The following PXDNL variants were observed in gnomAD, a reference collection of about 807,000 sequenced individuals.
PXDNL encodes the protein peroxidasin like.
PXDNL carries 145 observed loss-of-function variants against 150.8 expected under a neutral mutation model. That is an observed-to-expected ratio of 0.96 (90% CI 0.84 to 1.10). PXDNL has a LOEUF of 1.10. Among genes scored for constraint, PXDNL ranks in the 50% least tolerant of loss-of-function variants. The pLI, the probability that PXDNL is intolerant of heterozygous loss-of-function variation, is 0.00. For synonymous variants in PXDNL, 757 were observed against 725.7 expected (o/e 1.04, Z -0.69); for missense variants, 2,087 against 1,873.9 (o/e 1.11, Z -2.10).
At chr8:51,633,425 G>T (rs377653702) in intron 2 of PXDNL, among the ~76,000 whole-genome samples, 6 of 151,956 alleles carry the variant, frequency 3.9e-5, no homozygotes, top group African/African-American at 1.4e-4. Context: ...CAATGAGATT[G>T]CTGGGTCGAA....
intron 12 of PXDNL, among the ~76,000 whole-genome samples, chr8:51,438,189 T>C (rs543075705): frequency 1.3e-5 from 2 of 152,202 alleles, no homozygotes; most frequent in East Asian, 3.9e-4. Context: ...TTGAAACACA[T>C]CCTGTGCTCA....
intron 1 of PXDNL, among the ~76,000 whole-genome samples, chr8:51,744,979 A>G (rs1287819994): frequency 0.29 from 1,347 of 4,610 alleles, 104 homozygotes; most frequent in South Asian, 0.49. Flanking sequence ...AAAGAAAGAA[A>G]GAAAGAAAGA....
chr8:51,497,688 C>A (rs1811084850), intron 5 of PXDNL, among the ~76,000 whole-genome samples: 1 of 152,222 alleles, frequency 6.6e-6, no homozygotes, highest in Non-Finnish European at 1.5e-5. Flanking sequence ...AAATGCTCAT[C>A]ATCATTGGCC....
rs140884020 is a variant in PXDNL, at chr8:51,412,920, T to G, written c.1904+230A>C. Among the ~76,000 whole-genome samples the G allele has an allele frequency of 3.3e-4, 51 of 152,290 alleles. 1 individual carries two copies. Among genetic ancestry groups the G allele is most frequent in the African/African-American group, 1.1e-3 (47 of 41,558 alleles). On this transcript the variant is annotated intron_variant, in intron 15 of 22. Coordinates refer to ENST00000356297, the MANE Select transcript of PXDNL (RefSeq NM_144651.5). ...GCCTAGTGTCTATTGTCAGCCTGTA[T>G]AGCATGGACCTTTGGCATAAATTAA...
chr8:51,457,920 C>T (rs528878680), intron 8 of PXDNL, among the ~76,000 whole-genome samples: 111 of 152,228 alleles, frequency 7.3e-4, no homozygotes, highest in Non-Finnish European at 1.3e-3. Flanking sequence ...TTCTGCCTTC[C>T]TGAGTGGCAT....
In PXDNL at chr8:51,472,308, C is replaced by G. The variant is rs781367843; in HGVS notation, c.695-4G>C. The stretch of plus-strand genomic sequence containing the variant: ...TCAAAAGTAATTCGGGGGCTCTCTG[C>G]AACAAAAGAATTATTGATGTATTTT... On this transcript the variant is annotated splice_region_variant and splice_polypyrimidine_tract_variant and intron_variant, in intron 7 of 22. Transcript: ENST00000356297. The G allele has an allele frequency of 8.1e-6, 13 of 1,603,868 alleles. No individual in the cohort carries two copies. The highest frequency in any genetic ancestry group is 1.1e-5 in the Non-Finnish European group (13 of 1,172,186).
At chr8:51,518,214 A>G (rs1811586917) in intron 4 of PXDNL, among the ~76,000 whole-genome samples, 1 of 152,204 alleles carries the variant, frequency 6.6e-6, no homozygotes, top group South Asian at 2.1e-4. Flanking sequence ...CTGTAAACCC[A>G]CAGACGGATT....
intron 1 of PXDNL, among the ~76,000 whole-genome samples, chr8:51,714,297 A>T (rs756322978): frequency 5.9e-5 from 9 of 152,212 alleles, no homozygotes; most frequent in Non-Finnish European, 1.0e-4. Flanking sequence ...ACTTTAATGA[A>T]TTCAAGACAT....
rs758490327 is a variant in PXDNL, at chr8:51,457,541, T to C, written c.939A>G (p.Glu313=). ...YQCMARNSAG[E]AKTQSAMLRY... is the part of the protein sequence containing the mutation. ...TGAGCATGGCACTCTGTGTCTTGGC[T>C]TCCCCAGCGGAATTTCTGGCCATGC... The change falls in exon 9 of 23, where the codon GAA becomes GAG. Residue 313 remains glutamate, a synonymous_variant. Transcript: ENST00000356297. 11 of 1,613,614 alleles carry C rather than the reference T, an allele frequency of 6.8e-6. No individual in the cohort carries two copies. The highest frequency in any genetic ancestry group is 8.5e-6 in the Non-Finnish European group (10 of 1,179,788).
At chr8:51,613,964 A>G (rs1344081446) in intron 2 of PXDNL, among the ~76,000 whole-genome samples, 1 of 152,180 alleles carries the variant, frequency 6.6e-6, no homozygotes, top group Non-Finnish European at 1.5e-5. Flanking sequence ...TCTGGGCCTG[A>G]AAGAAAGTGT....
chr8:51,806,251 AAATT>A (rs776198630), intron 1 of PXDNL, among the ~76,000 whole-genome samples: 7 of 152,224 alleles, frequency 4.6e-5, no homozygotes, highest in Non-Finnish European at 8.8e-5. Context: ...AAAATGGAAA[AAATT>A]AAGGAAATTT....
chr8:51,493,378 C>G (rs1810948036), intron 5 of PXDNL, among the ~76,000 whole-genome samples: 2 of 152,314 alleles, frequency 1.3e-5, no homozygotes, highest in East Asian at 3.9e-4. Context: ...CAGAGCGCCT[C>G]TCCTCCTCCA....
chr8:51,516,533 T>C (rs977044882), intron 4 of PXDNL, among the ~76,000 whole-genome samples: 4 of 152,238 alleles, frequency 2.6e-5, no homozygotes, highest in Non-Finnish European at 5.9e-5. Flanking sequence ...GGTTTGTTGA[T>C]GGCGCTTTAT....
In PXDNL at chr8:51,578,150, A is replaced by G. The variant is rs963334612; in HGVS notation, c.308+14477T>C. Among the ~76,000 whole-genome samples the G allele has an allele frequency of 9.0e-5, 7 of 77,358 alleles. No homozygotes were observed. In the East Asian group the frequency reaches 1.2e-3, roughly 13 times the overall value. The allele number at this position is 77,358 out of a possible 152,430, so 50.7% of individuals were successfully genotyped here. On this transcript the variant is annotated intron_variant, in intron 3 of 22. Transcript: ENST00000356297. Reference sequence around the variant, plus strand: ...AGAAAGAAAGAGTGAGAGAGAGAGAAAGAAAGAGAAAGAAAGAAGGAAAGA... The same window carrying G: ...AGAAAGAAAGAGTGAGAGAGAGAGAGAGAAAGAGAAAGAAAGAAGGAAAGA...
intron 1 of PXDNL, among the ~76,000 whole-genome samples, chr8:51,667,771 G>A (rs541276350): frequency 6.6e-6 from 1 of 152,302 alleles, no homozygotes; most frequent in South Asian, 2.1e-4. Context: ...GCACAAGGAG[G>A]GGGTTGCTTT....
intron 3 of PXDNL, among the ~76,000 whole-genome samples, chr8:51,585,446 C>T (rs1243888536): frequency 6.6e-6 from 1 of 152,076 alleles, no homozygotes; most frequent in Admixed American, 6.6e-5. Flanking sequence ...GCAAATGGCA[C>T]ACCAGGAACA....
intron 4 of PXDNL, among the ~76,000 whole-genome samples, chr8:51,503,124 C>T (rs1207992064): frequency 2.6e-5 from 4 of 152,060 alleles, no homozygotes; most frequent in African/African-American, 9.7e-5. Flanking sequence ...TTCCCCATTC[C>T]AGCCATGCTT....
chr8:51,735,544 T>TGG (rs1563304315), intron 1 of PXDNL, among the ~76,000 whole-genome samples: 1 of 47,756 alleles, frequency 2.1e-5, no homozygotes, highest in Non-Finnish European at 4.9e-5. Context: ...TTTTTTTTTT[T>TGG]TTTTTTTTTT....
At position 51,427,380 on chromosome 8, in the gene PXDNL, C is replaced by A. The variant is rs150739249; in HGVS notation, c.1526-622G>T. Among the ~76,000 whole-genome samples the A allele has an allele frequency of 2.9e-4, 44 of 152,192 alleles. 1 individual carries two copies. The highest frequency in any genetic ancestry group is 4.6e-4 in the Admixed American group (7 of 15,270). On this transcript the variant is annotated intron_variant, in intron 12 of 22. Transcript: ENST00000356297. Reference sequence around the variant, plus strand: ...CTGTAAAATAACAGAGGAGGGAATACTTCCCAACTCCTTTTGGAAGGCTCA... The same window carrying A: ...CTGTAAAATAACAGAGGAGGGAATAATTCCCAACTCCTTTTGGAAGGCTCA...
Sources: gnomAD v4.1 joint callset for allele counts (sites outside exome capture counted in the v4.1 genomes callset) on GRCh38, gnomAD v4.1.1 for gene constraint, MANE v1.5 for transcripts, NCBI Gene and HGNC (gene_info 2026-07-23, HGNC 2026-07-21) for gene names.